The following EEA1 variants were observed in gnomAD, a reference collection of about 807,000 sequenced individuals.
EEA1 encodes early endosome antigen 1.
Under a neutral mutation model 209.2 loss-of-function variants are expected in EEA1, and 111 were observed. The observed-to-expected ratio is 0.53, with a 90% CI of 0.45 to 0.62. The LOEUF is 0.62. EEA1 is among the 20% of genes least tolerant of loss of function. The probability of loss-of-function intolerance (pLI) is 0.00; values close to 1 mark genes in which losing one functional copy is unlikely to be tolerated. For synonymous variants in EEA1, 536 were observed against 540.6 expected (o/e 0.99, Z 0.12); for missense variants, 1,343 against 1,530.8 (o/e 0.88, Z 2.05).
rs1873396683 is a variant in EEA1 at position 92,770,890 on chromosome 12, T to C, written c.*5121A>G. The C allele has an allele frequency of 1.3e-5, 2 of 152,272 alleles. No individual in the cohort carries two copies. The highest frequency in any genetic ancestry group is 1.3e-4 in the Admixed American group (2 of 15,292). 9.4% of individuals were successfully genotyped at this position (152,272 alleles called of 1,614,324 possible). A position where few individuals can be genotyped will look rare whatever the true frequency, so the allele number is the denominator to read the frequency against. ...CTTTTGCATGGCTTTTCTTGGCCTG[T>C]TGTGAAGTGTACAGATTTTCATAGA... On this transcript the variant is annotated 3_prime_UTR_variant, in exon 29 of 29. Transcript: ENST00000322349.
chr12:92,900,366 T>C (rs1333898398), intron 1 of EEA1, among the ~76,000 whole-genome samples: 2 of 152,096 alleles, frequency 1.3e-5, no homozygotes, highest in African/African-American at 4.8e-5. Flanking sequence ...CTACAGTCCC[T>C]TTAAACTTTC....
intron 2 of EEA1, among the ~76,000 whole-genome samples, chr12:92,883,534 T>C (rs1592755750): frequency 6.6e-6 from 1 of 152,306 alleles, no homozygotes; most frequent in East Asian, 1.9e-4. Context: ...AAAATTCTTA[T>C]AGTTTAAGGT....
chr12:92,814,917 T>G (rs540670577), intron 15 of EEA1, among the ~76,000 whole-genome samples: 1 of 152,268 alleles, frequency 6.6e-6, no homozygotes, highest in South Asian at 2.1e-4. Flanking sequence ...AAACATTACC[T>G]TAACAGTTAA....
chr12:92,771,290 G>A lies in EEA1; in HGVS notation c.*4721C>T, dbSNP rs1873422637. On this transcript the variant is annotated 3_prime_UTR_variant, in exon 29 of 29. Coordinates refer to ENST00000322349, the MANE Select transcript of EEA1 (RefSeq NM_003566.4). Reference sequence around the variant, plus strand: ...GACAACTGAAGCCTTAGCTGATTTTGTTAAGCTGAAGAATGGGGTAGAGAG... The same window carrying A: ...GACAACTGAAGCCTTAGCTGATTTTATTAAGCTGAAGAATGGGGTAGAGAG... 1 of 152,006 alleles carries A rather than the reference G, an allele frequency of 6.6e-6. No homozygotes were observed. Among genetic ancestry groups the A allele is most frequent in the African/African-American group, 2.4e-5 (1 of 41,404 alleles). The allele number at this position is 152,006 out of a possible 1,614,324, so 9.4% of individuals were successfully genotyped here.
chr12:92,825,379 A>C (rs1017735806), intron 13 of EEA1, among the ~76,000 whole-genome samples: 20 of 151,910 alleles, frequency 1.3e-4, no homozygotes, highest in African/African-American at 4.6e-4. Flanking sequence ...GTGTGAACCC[A>C]GGAGGCGGAG....
intron 1 of EEA1, among the ~76,000 whole-genome samples, chr12:92,923,919 G>A (rs891863160): frequency 1.3e-5 from 2 of 150,216 alleles, no homozygotes; most frequent in African/African-American, 2.4e-5. Flanking sequence ...AAGAAATTTG[G>A]AGTTTATAAT....
At chr12:92,851,348 G>C in intron 8 of EEA1, 82 bp from the exon 9 acceptor site, 1 of 1,312,832 alleles carries the variant, frequency 7.6e-7, no homozygotes, top group Non-Finnish European at 1.0e-6. Flanking sequence ...CACTACAAAG[G>C]AATCAAAAGG....
At chr12:92,816,079 T>C in intron 15 of EEA1, 121 bp downstream of exon 15, 6 of 857,570 alleles carry the variant, frequency 7.0e-6, no homozygotes, top group Non-Finnish European at 1.1e-5. Flanking sequence ...ATAGCCTTTA[T>C]CTAATTCTTA....
At chr12:92,859,037 A>T in intron 3 of EEA1, 1 of 694,486 alleles carries the variant, frequency 1.4e-6, no homozygotes, top group Non-Finnish European at 2.6e-6. Flanking sequence ...GTTCTTGTTC[A>T]GGTCTCTTAT....
At chr12:92,783,917 A>G (rs988403552) in intron 22 of EEA1, among the ~76,000 whole-genome samples, 2 of 137,390 alleles carry the variant, frequency 1.5e-5, no homozygotes, top group Non-Finnish European at 3.1e-5. Context: ...AGTACTCAGT[A>G]AAAAAAAAAA....
intron 3 of EEA1, chr12:92,858,027 T>C: frequency 2.7e-6 from 1 of 365,298 alleles, no homozygotes; most frequent in Non-Finnish European, 5.1e-6. Flanking sequence ...GCAGCTGCCA[T>C]CTTGCCGCTG....
At chr12:92,815,938 A>G (rs1201303786) in intron 15 of EEA1, among the ~76,000 whole-genome samples, 1 of 151,668 alleles carries the variant, frequency 6.6e-6, no homozygotes, top group African/African-American at 2.4e-5. Context: ...AGACAGAGAG[A>G]CAGAGACAGA....
At chr12:92,802,348 T>C (rs1246567909) in intron 19 of EEA1, 56 bp downstream of exon 19, 3 of 1,446,044 alleles carry the variant, frequency 2.1e-6, no homozygotes, top group Admixed American at 5.2e-5. Context: ...GAAAAATCAG[T>C]ACATTTTAAA....
chr12:92,894,978 T>G (rs539495333), intron 1 of EEA1, among the ~76,000 whole-genome samples: 1 of 152,202 alleles, frequency 6.6e-6, no homozygotes, highest in African/African-American at 2.4e-5. Context: ...TAGGGGTTAA[T>G]GCAGCTGATG....
intron 11 of EEA1, among the ~76,000 whole-genome samples, chr12:92,831,268 C>T (rs933589951): frequency 6.6e-6 from 1 of 151,772 alleles, no homozygotes. Flanking sequence ...CATTTTCAAC[C>T]AATTTTCAAT....
chr12:92,787,329 T>C (rs1874178141), intron 22 of EEA1, among the ~76,000 whole-genome samples: 2 of 152,120 alleles, frequency 1.3e-5, no homozygotes, highest in African/African-American at 4.8e-5. Flanking sequence ...CCCATTATCC[T>C]TCAATTTAAT....
At chr12:92,897,790 C>T (rs1239792283) in intron 1 of EEA1, among the ~76,000 whole-genome samples, 3 of 151,986 alleles carry the variant, frequency 2.0e-5, no homozygotes, top group Non-Finnish European at 2.9e-5. Flanking sequence ...CATTATAGAC[C>T]GGATGACAGA....
intron 15 of EEA1, among the ~76,000 whole-genome samples, chr12:92,815,827 AC>A (rs1310907822): frequency 6.6e-6 from 1 of 152,186 alleles, no homozygotes; most frequent in African/African-American, 2.4e-5. Flanking sequence ...AATGTAAAAA[AC>A]AATCATGGCA....
At chr12:92,826,415 A>T (rs1876301475) in intron 12 of EEA1, 130 bp from the exon 13 acceptor site, 3 of 795,826 alleles carry the variant, frequency 3.8e-6, no homozygotes. Context: ...ATAAACTTTA[A>T]AAGTGGTACC....
Sources: allele counts gnomAD v4.1 joint callset (sites outside exome capture counted in the v4.1 genomes callset), GRCh38; gene constraint gnomAD v4.1.1; transcripts MANE v1.5; gene names NCBI Gene and HGNC (gene_info 2026-07-23, HGNC 2026-07-21).